PELI2: variants seen among roughly 807,000 people sequenced by gnomAD.
PELI2 encodes E3 ubiquitin-protein ligase pellino homolog 2.
In PELI2, 23 loss-of-function variants were observed where a neutral mutation model predicts 42.3. The ratio of observed to expected loss-of-function variants is 0.54; its 90% CI spans 0.39 to 0.77. PELI2 has a LOEUF of 0.77. PELI2 is among the 30% of genes least tolerant of loss of function. The pLI, the probability that PELI2 is intolerant of heterozygous loss-of-function variation, is 0.00. For missense variants in PELI2, 463 were observed against 553.2 expected (o/e 0.84, Z 1.64); for synonymous variants, 245 against 212.2 (o/e 1.15, Z -1.34).
At chr14:56,181,279 G>A (rs1196876059) in intron 2 of PELI2, among the ~76,000 whole-genome samples, 1 of 151,328 alleles carries the variant, frequency 6.6e-6, no homozygotes, top group Non-Finnish European at 1.5e-5. Context: ...TCTTTCTCTG[G>A]GCTCTATGGA....
intron 1 of PELI2, chr14:56,119,109 A>T (rs1461882039): frequency 6.6e-6 from 1 of 152,256 alleles, no homozygotes; most frequent in South Asian, 2.1e-4. Context: ...CAGGGACTCC[A>T]TGTGAGGCGC....
At chr14:56,276,340 G>C (rs1158194737) in intron 2 of PELI2, among the ~76,000 whole-genome samples, 1 of 152,136 alleles carries the variant, frequency 6.6e-6, no homozygotes, top group East Asian at 1.9e-4. Flanking sequence ...CGATGATCCT[G>C]CTGGTGGCCT....
intron 1 of PELI2, among the ~76,000 whole-genome samples, chr14:56,139,817 C>T (rs969563124): frequency 6.6e-6 from 1 of 151,702 alleles, no homozygotes; most frequent in Non-Finnish European, 1.5e-5. Flanking sequence ...ACTCCCAATT[C>T]GGCAGTCTTT....
At position 56,180,446 on chromosome 14, in the gene PELI2, A is replaced by G. The variant is rs1192192168; in HGVS notation, c.207+1982A>G. Among the ~76,000 whole-genome samples, 3 of 152,204 alleles carry G rather than the reference A, an allele frequency of 2.0e-5. No homozygotes were observed. Among genetic ancestry groups the G allele is most frequent in the Non-Finnish European group, 4.4e-5 (3 of 68,050 alleles). ...AACTGGAGTATCAACAACAGTGCAC[A>G]TGGATATTTTTTCAAGAGTGTTAGA... On this transcript the variant is annotated intron_variant, in intron 2 of 5. Transcript: ENST00000267460. This position sits in a 1 kb window ranked among gnomAD's most constrained non-coding sequence, Gnocchi z 4.4.
chr14:56,284,568 A>G (rs1298596931), intron 3 of PELI2, among the ~76,000 whole-genome samples: 1 of 152,128 alleles, frequency 6.6e-6, no homozygotes, highest in Non-Finnish European at 1.5e-5. Flanking sequence ...TTTGGTTTTC[A>G]ATTTAGTTGA....
intron 5 of PELI2, among the ~76,000 whole-genome samples, chr14:56,295,581 C>G (rs994260637): frequency 2.0e-5 from 3 of 152,220 alleles, no homozygotes; most frequent in Non-Finnish European, 4.4e-5. Flanking sequence ...GTAATAGTAG[C>G]AGGTATTTAC....
chr14:56,141,845 C>A (rs1883920190), intron 1 of PELI2, among the ~76,000 whole-genome samples: 1 of 152,192 alleles, frequency 6.6e-6, no homozygotes, highest in African/African-American at 2.4e-5. Context: ...CTGAGCCAAA[C>A]CGTATCAGAC....
chr14:56,174,754 C>A (rs1405626693), intron 1 of PELI2, among the ~76,000 whole-genome samples: 1 of 152,190 alleles, frequency 6.6e-6, no homozygotes, highest in African/African-American at 2.4e-5. Flanking sequence ...TCTTGTTAAG[C>A]CTGTGGAACT....
intron 2 of PELI2, among the ~76,000 whole-genome samples, chr14:56,242,721 A>C (rs934173715): frequency 6.6e-6 from 1 of 152,242 alleles, no homozygotes; most frequent in African/African-American, 2.4e-5. Flanking sequence ...ATGGAGCTGG[A>C]GACCATTATT....
intron 1 of PELI2, among the ~76,000 whole-genome samples, chr14:56,119,397 G>C (rs1882980906): frequency 6.7e-6 from 1 of 150,252 alleles, no homozygotes; most frequent in African/African-American, 2.5e-5. Flanking sequence ...GTGCTCTGGA[G>C]GGGAGGGACA....
chr14:56,159,362 G>A (rs778975835), intron 1 of PELI2, among the ~76,000 whole-genome samples: 7 of 152,208 alleles, frequency 4.6e-5, no homozygotes, highest in Non-Finnish European at 8.8e-5. Context: ...CCATGGCAGA[G>A]ATGCCAGAGT....
intron 2 of PELI2, among the ~76,000 whole-genome samples, chr14:56,240,956 T>C (rs531087813): frequency 6.6e-6 from 1 of 152,144 alleles, no homozygotes; most frequent in Non-Finnish European, 1.5e-5. Flanking sequence ...TATACATATT[T>C]CCTTAAAATA....
intron 2 of PELI2, among the ~76,000 whole-genome samples, chr14:56,271,599 A>G (rs1003374983): frequency 2.0e-5 from 3 of 152,212 alleles, no homozygotes; most frequent in Non-Finnish European, 4.4e-5. Flanking sequence ...CCTAAAACAC[A>G]CATCATCATC....
chr14:56,287,460 T>C (rs902925445), intron 3 of PELI2, among the ~76,000 whole-genome samples: 1 of 152,184 alleles, frequency 6.6e-6, no homozygotes, highest in Non-Finnish European at 1.5e-5. Context: ...TTTGCAGCTT[T>C]AGAAGGATGA....
chr14:56,275,926 G>A (rs1889276381), intron 2 of PELI2, among the ~76,000 whole-genome samples: 1 of 152,104 alleles, frequency 6.6e-6, no homozygotes, highest in Non-Finnish European at 1.5e-5. Context: ...GCCAAGAAAA[G>A]ACCCTACCTG....
intron 2 of PELI2, among the ~76,000 whole-genome samples, chr14:56,214,263 T>C (rs963715142): frequency 6.6e-6 from 1 of 151,792 alleles, no homozygotes; most frequent in Non-Finnish European, 1.5e-5. Flanking sequence ...AGAGGGAAGG[T>C]TGATGGGGGA....
Position 56,297,880 on chromosome 14 carries a change from G to A in PELI2, c.*714G>A, listed in dbSNP as rs1890064417. 1 of 150,928 alleles carries A rather than the reference G, an allele frequency of 6.6e-6. No homozygotes were observed. Among genetic ancestry groups the A allele is most frequent in the Admixed American group, 6.6e-5 (1 of 15,156 alleles). The allele number at this position is 150,928 out of a possible 1,614,324, so 9.3% of individuals were successfully genotyped here. The stretch of plus-strand genomic sequence containing the variant: ...TTTTAGCCTGTCTTTTGTTATTTCT[G>A]CCTAATATGATTTGCCCCGATACTC... On this transcript the variant is annotated 3_prime_UTR_variant, in exon 6 of 6. Coordinates refer to ENST00000267460, the MANE Select transcript of PELI2 (RefSeq NM_021255.3).
intron 2 of PELI2, among the ~76,000 whole-genome samples, chr14:56,256,254 C>A (rs968855134): frequency 2.0e-5 from 3 of 151,832 alleles, no homozygotes; most frequent in Admixed American, 6.6e-5. Context: ...ATAGTGAGAC[C>A]CATCTCTCCA....
intron 2 of PELI2, among the ~76,000 whole-genome samples, chr14:56,220,689 T>C (rs11158082): frequency 0.62 from 93,938 of 151,888 alleles, 30,174 homozygotes; most frequent in African/African-American, 0.8. Context: ...TTGAAGAGCA[T>C]AGGGGAGGTG....
Sources: allele counts gnomAD v4.1 joint callset (sites outside exome capture counted in the v4.1 genomes callset), GRCh38; gene constraint gnomAD v4.1.1; non-coding constraint Gnocchi (gnomAD v3.1); transcripts MANE v1.5; gene names NCBI Gene and HGNC (gene_info 2026-07-23, HGNC 2026-07-21).